The following RAB21 variants were observed in gnomAD, a reference collection of about 807,000 sequenced individuals.
RAB21 encodes the protein ras-related protein Rab-21.
Under a neutral mutation model 33.1 loss-of-function variants are expected in RAB21, and 13 were observed. The observed-to-expected ratio is 0.39, with a 90% CI of 0.26 to 0.62. The LOEUF (loss-of-function observed/expected upper bound fraction) is 0.62, where lower values mean the gene tolerates loss of function less well. RAB21 is among the 20% of genes least tolerant of loss of function. The pLI, the probability that RAB21 is intolerant of heterozygous loss-of-function variation, is 0.48. For missense variants in RAB21, 234 were observed against 279.1 expected, an observed-to-expected ratio of 0.84 and a Z score of 1.15; for synonymous variants, 91 against 103.7, an observed-to-expected ratio of 0.88 and a Z score of 0.74.
intron 1 of RAB21, among the ~76,000 whole-genome samples, chr12:71,765,093 C>T (rs1190862578): frequency 1.3e-5 from 2 of 152,126 alleles, no homozygotes; most frequent in African/African-American, 4.8e-5. Context: ...TAAAAGTGTT[C>T]CCGTTTCATC....
chr12:71,755,859 C>T (rs916486639), intron 1 of RAB21, among the ~76,000 whole-genome samples: 2 of 152,136 alleles, frequency 1.3e-5, no homozygotes, highest in Non-Finnish European at 2.9e-5. Flanking sequence ...ACTTGCGGGT[C>T]ACTCATATTC....
rs1031551390 is a variant in RAB21 at position 71,786,339 on chromosome 12, A to G, written c.*666A>G. 1 of 152,556 alleles carries G rather than the reference A, an allele frequency of 6.6e-6. No individual in the cohort carries two copies. Among genetic ancestry groups the G allele is most frequent in the South Asian group, 2.1e-4 (1 of 4,830 alleles). 9.5% of individuals were successfully genotyped at this position (152,556 alleles called of 1,614,324 possible). ...ATCAAATCTTTATTTAATAACTTAT[A>G]TATGTTGTTGGAATGGTTACATTTT... On this transcript the variant is annotated 3_prime_UTR_variant, in exon 7 of 7. Transcript: ENST00000261263.
chr12:71,774,142 T>C, intron 4 of RAB21, 120 bp downstream of exon 4: 1 of 621,200 alleles, frequency 1.6e-6, no homozygotes, highest in Non-Finnish European at 2.5e-6. Flanking sequence ...TTAATATAAA[T>C]ATTTTAGAAT....
At position 71,786,011 on chromosome 12, in the gene RAB21, C is replaced by T. The variant is rs552920270; in HGVS notation, c.*338C>T. On this transcript the variant is annotated 3_prime_UTR_variant, in exon 7 of 7. Coordinates refer to ENST00000261263, the MANE Select transcript of RAB21 (RefSeq NM_014999.4). ...CCACCTCCCAGGTTCACGCCATTCTCCTGCCTCAGCCTCCCGAGTAGCTGG... is the reference window on the plus strand; with the variant it reads ...CCACCTCCCAGGTTCACGCCATTCTTCTGCCTCAGCCTCCCGAGTAGCTGG... The T allele has an allele frequency of 5.9e-6, 1 of 170,528 alleles. No homozygotes were observed. Among genetic ancestry groups the T allele is most frequent in the African/African-American group, 2.4e-5 (1 of 41,606 alleles). The allele number at this position is 170,528 out of a possible 1,614,324, so 10.6% of individuals were successfully genotyped here.
intron 6 of RAB21, among the ~76,000 whole-genome samples, chr12:71,785,315 G>A (rs1009329678): frequency 6.6e-6 from 1 of 152,066 alleles, no homozygotes; most frequent in African/African-American, 2.4e-5. Flanking sequence ...TTATACCACT[G>A]GATAAATAAG....
chr12:71,769,824 A>C lies in RAB21; in HGVS notation c.184A>C (p.Asn62His). The change falls in exon 2 of 7, where the codon AAT becomes CAT. Residue 62 changes from asparagine (N) to histidine (H), a missense_variant. Transcript: ENST00000261263. ...GGCATCATTCTTAACAAAGAAGTTA[A>C]ATATTGGTGGGAAAAGAGTAAACCT... ...LQASFLTKKL[N>H]IGGKRVNLAI... 1 of 1,393,964 alleles carries C rather than the reference A, an allele frequency of 7.2e-7. No homozygotes were observed. The highest frequency in any genetic ancestry group is 2.7e-5 in the East Asian group (1 of 37,628). 86.3% of individuals were successfully genotyped at this position (1,393,964 alleles called of 1,614,324 possible).
chr12:71,765,454 A>C (rs1157005199), intron 1 of RAB21, among the ~76,000 whole-genome samples: 1 of 152,112 alleles, frequency 6.6e-6, no homozygotes, highest in African/African-American at 2.4e-5. Flanking sequence ...GTTTCAGTTT[A>C]ATTAGGTACC....
intron 1 of RAB21, among the ~76,000 whole-genome samples, chr12:71,757,569 T>C (rs1243855601): frequency 1.3e-5 from 2 of 152,240 alleles, no homozygotes; most frequent in African/African-American, 4.8e-5. Context: ...ATCTGAATTA[T>C]ATTATAGAAT....
rs1198383894 is a variant in RAB21, at chr12:71,797,106, A to C, written c.*11433A>C. On this transcript the variant is annotated 3_prime_UTR_variant, in exon 7 of 7. Transcript: ENST00000261263. Reference sequence around the variant, plus strand: ...GTGGAGCATTTTACAGGGGCTCTGAAAGGTATACAAAATGTACTACTATAA... The same window carrying C: ...GTGGAGCATTTTACAGGGGCTCTGACAGGTATACAAAATGTACTACTATAA... 1 of 152,178 alleles carries C rather than the reference A, an allele frequency of 6.6e-6. No individual in the cohort carries two copies. The highest frequency in any genetic ancestry group is 1.5e-5 in the Non-Finnish European group (1 of 68,012). The allele number at this position is 152,178 out of a possible 1,614,324, so 9.4% of individuals were successfully genotyped here. A position where few individuals can be genotyped will look rare whatever the true frequency, so the allele number is the denominator to read the frequency against.
At chr12:71,761,244 C>T (rs1882868217) in intron 1 of RAB21, among the ~76,000 whole-genome samples, 1 of 152,032 alleles carries the variant, frequency 6.6e-6, no homozygotes, top group African/African-American at 2.4e-5. Flanking sequence ...TTTCCAAGGT[C>T]CCACAAATAG....
In RAB21 at chr12:71,788,217, C is replaced by T. The variant is rs1387161242; in HGVS notation, c.*2544C>T. On this transcript the variant is annotated 3_prime_UTR_variant, in exon 7 of 7. Coordinates refer to ENST00000261263, the MANE Select transcript of RAB21 (RefSeq NM_014999.4). Reference sequence around the variant, plus strand: ...GAGAGCTATACTTCAGCTTTTCATCCTACTTTAATGAAACAGCTAGATAGG... The same window carrying T: ...GAGAGCTATACTTCAGCTTTTCATCTTACTTTAATGAAACAGCTAGATAGG... 1 of 152,148 alleles carries T rather than the reference C, an allele frequency of 6.6e-6. No individual in the cohort carries two copies. The highest frequency in any genetic ancestry group is 1.5e-5 in the Non-Finnish European group (1 of 68,030). The allele number at this position is 152,148 out of a possible 1,614,324, so 9.4% of individuals were successfully genotyped here.
chr12:71,755,719 CTAAG>C (rs1286371690), intron 1 of RAB21, among the ~76,000 whole-genome samples: 1 of 152,158 alleles, frequency 6.6e-6, no homozygotes, highest in Non-Finnish European at 1.5e-5. Flanking sequence ...TTACTGATGA[CTAAG>C]TGTTTATGCA....
rs148917376 is a variant in RAB21 at position 71,792,405 on chromosome 12, C to T, written c.*6732C>T. 1.3e-5 allele frequency: 2 copies of T among 152,284 alleles called. No individual in the cohort carries two copies. The highest frequency in any genetic ancestry group is 2.4e-5 in the African/African-American group (1 of 41,556). The allele number at this position is 152,284 out of a possible 1,614,324, so 9.4% of individuals were successfully genotyped here. On this transcript the variant is annotated 3_prime_UTR_variant, in exon 7 of 7. Transcript: ENST00000261263. ...AATACACATAAAACTCTGGGTTGGG[C>T]TCATCCTCTTGGTGTATTTTCCTAC...
chr12:71,764,949 C>A (rs1295688754), intron 1 of RAB21, among the ~76,000 whole-genome samples: 1 of 152,118 alleles, frequency 6.6e-6, no homozygotes, highest in Non-Finnish European at 1.5e-5. Context: ...ATGACAACTT[C>A]TTTTCCTTTG....
chr12:71,780,062 TTAAAA>T (rs1443225909), intron 4 of RAB21, among the ~76,000 whole-genome samples: 16 of 152,312 alleles, frequency 1.1e-4, no homozygotes, highest in Admixed American at 5.2e-4. Flanking sequence ...TATTTTAAGT[TTAAAA>T]TAATAGGTTA....
At chr12:71,767,211 C>T (rs1036749180) in intron 1 of RAB21, among the ~76,000 whole-genome samples, 1 of 152,016 alleles carries the variant, frequency 6.6e-6, no homozygotes, top group African/African-American at 2.4e-5. Flanking sequence ...GTACCCTTTC[C>T]GTACAAGTGT....
chr12:71,771,786 C>CCT (rs1883045652), intron 3 of RAB21, among the ~76,000 whole-genome samples: 1 of 151,946 alleles, frequency 6.6e-6, no homozygotes. Flanking sequence ...CCAGCCCAGC[C>CCT]AACATGGTGA....
Position 71,770,578 on chromosome 12 carries a change from G to A in RAB21, c.220-14G>A, listed in dbSNP as rs991942178. 6 of 1,521,362 alleles carry A rather than the reference G, an allele frequency of 3.9e-6. No individual in the cohort carries two copies. Among genetic ancestry groups the A allele is most frequent in the Non-Finnish European group, 5.5e-6 (6 of 1,096,822 alleles). The allele number at this position is 1,521,362 out of a possible 1,614,324, so 94.2% of individuals were successfully genotyped here. ...TTTTCTTCTGATCTAATAAGCATTT[G>A]TTGCTTTCTTTAGGATACGGCAGGT... On this transcript the variant is annotated splice_polypyrimidine_tract_variant and intron_variant, in intron 2 of 6. Transcript: ENST00000261263.
Position 71,790,794 on chromosome 12 carries a change from G to A in RAB21, c.*5121G>A, listed in dbSNP as rs957473580. The A allele has an allele frequency of 2.0e-5, 3 of 151,638 alleles. No homozygotes were observed. The highest frequency in any genetic ancestry group is 1.3e-4 in the Admixed American group (2 of 15,246). 9.4% of individuals were successfully genotyped at this position (151,638 alleles called of 1,614,324 possible). A position where few individuals can be genotyped will look rare whatever the true frequency, so the allele number is the denominator to read the frequency against. On this transcript the variant is annotated 3_prime_UTR_variant, in exon 7 of 7. Transcript: ENST00000261263. ...GCCATTTGCCTTTTCTCTTGCCAAC[G>A]TGTCTAGGAGCTCTTTGGTAAATAC... is the stretch of plus-strand genomic sequence containing the variant.
Sources: gnomAD v4.1 joint callset for allele counts (sites outside exome capture counted in the v4.1 genomes callset) on GRCh38, gnomAD v4.1.1 for gene constraint, MANE v1.5 for transcripts, NCBI Gene and HGNC (gene_info 2026-07-23, HGNC 2026-07-21) for gene names.